The following COL28A1 variants were observed in gnomAD, a reference collection of about 807,000 sequenced individuals.
COL28A1 encodes the protein collagen alpha-1(XXVIII) chain.
Under a neutral mutation model 150.2 loss-of-function variants are expected in COL28A1, and 161 were observed. The observed-to-expected ratio is 1.07, with a 90% CI of 0.94 to 1.22. The LOEUF (loss-of-function observed/expected upper bound fraction) is 1.22. Ranked by LOEUF, COL28A1 falls within the 50% of genes most tolerant of loss-of-function variation. COL28A1 has a pLI of 0.00. For synonymous variants in COL28A1, 552 were observed against 469.7 expected, an observed-to-expected ratio of 1.18 and a Z score of -2.26; for missense variants, 1,617 against 1,388.3, an observed-to-expected ratio of 1.16 and a Z score of -2.62.
At chr7:7,542,404 A>T in the COL28A1 span, among the ~76,000 whole-genome samples, 7 of 152,352 alleles carry the variant, frequency 4.6e-5, no homozygotes, top group South Asian at 1.5e-3. Context: ...AATAGAGCAA[A>T]TATGTTCATT....
intron 27 of COL28A1, among the ~76,000 whole-genome samples, chr7:7,395,583 C>A (rs1397530952): frequency 1.3e-5 from 2 of 152,170 alleles, no homozygotes; most frequent in African/African-American, 2.4e-5. Flanking sequence ...TTACACATTA[C>A]AAACAAATGA....
chr7:7,474,450 A>G, intron 15 of COL28A1, 151 bp downstream of exon 15: 2 of 419,940 alleles, frequency 4.8e-6, no homozygotes, highest in Non-Finnish European at 8.3e-6. Flanking sequence ...AAATAAAATA[A>G]TTATTTTAAA....
chr7:7,466,467 A>T (rs1319884750), intron 15 of COL28A1, among the ~76,000 whole-genome samples: 1 of 107,528 alleles, frequency 9.3e-6, no homozygotes, highest in East Asian at 2.6e-4. Flanking sequence ...GAAAAGACCA[A>T]ATCTACGTCT....
At chr7:7,360,783 C>A (rs1213646976) in intron 33 of COL28A1, among the ~76,000 whole-genome samples, 1 of 152,158 alleles carries the variant, frequency 6.6e-6, no homozygotes, top group African/African-American at 2.4e-5. Context: ...CACACATACA[C>A]ACACACACGC....
intron 14 of COL28A1, among the ~76,000 whole-genome samples, chr7:7,476,824 T>C (rs111798314): frequency 8.5e-4 from 130 of 152,350 alleles, no homozygotes; most frequent in African/African-American, 3.0e-3. Context: ...CATAAGGATG[T>C]TATTTATCAC....
rs370084753 is a variant in COL28A1, at chr7:7,531,873, G to C, written c.156C>G (p.Ile52Met). 1 of 1,607,086 alleles carries C rather than the reference G, an allele frequency of 6.2e-7. No individual in the cohort carries two copies. Among genetic ancestry groups the C allele is most frequent in the Admixed American group, 1.7e-5 (1 of 59,948 alleles). ...GSICFIDIVF[I>M]VDSSESSKIA... ...TTTTAGAACTTTCAGAGCTGTCCAC[G>C]ATGAAGACAATATCTATGAAACAAA... is the stretch of plus-strand genomic sequence containing the variant. The change falls in exon 3 of 35, where the codon ATC becomes ATG. Residue 52 changes from isoleucine to methionine, a missense_variant. Coordinates refer to ENST00000399429, the MANE Select transcript of COL28A1 (RefSeq NM_001037763.3).
the COL28A1 span, among the ~76,000 whole-genome samples, chr7:7,345,031 G>C: frequency 6.6e-6 from 1 of 151,408 alleles, no homozygotes; most frequent in Non-Finnish European, 1.5e-5. Context: ...CACCCCTTTC[G>C]CCTGAAGAGG....
chr7:7,341,246 A>T, the COL28A1 span, among the ~76,000 whole-genome samples: 1 of 152,170 alleles, frequency 6.6e-6, no homozygotes, highest in East Asian at 1.9e-4. Context: ...ATCACCAGAG[A>T]TGTGTCAATT....
intron 21 of COL28A1, among the ~76,000 whole-genome samples, chr7:7,437,755 C>T (rs966073488): frequency 6.6e-6 from 1 of 152,110 alleles, no homozygotes; most frequent in South Asian, 2.1e-4. Flanking sequence ...ATTCATGGTG[C>T]TTCCTTTTTG....
intron 27 of COL28A1, among the ~76,000 whole-genome samples, chr7:7,407,649 A>T (rs1482198182): frequency 6.6e-6 from 1 of 152,118 alleles, no homozygotes; most frequent in African/African-American, 2.4e-5. Context: ...AAATGGAAAA[A>T]AATTGCTCTA....
At chr7:7,433,312 G>A (rs1785112835) in intron 23 of COL28A1, among the ~76,000 whole-genome samples, 1 of 151,890 alleles carries the variant, frequency 6.6e-6, no homozygotes. Flanking sequence ...CGGGGGGAGA[G>A]AAAAAAATTA....
At chr7:7,488,316 C>T (rs569412093) in intron 13 of COL28A1, among the ~76,000 whole-genome samples, 2 of 152,274 alleles carry the variant, frequency 1.3e-5, no homozygotes, top group East Asian at 3.9e-4. Context: ...TATGTTCAGA[C>T]ATTAGTGAAA....
intron 23 of COL28A1, among the ~76,000 whole-genome samples, chr7:7,433,630 T>C (rs1296899561): frequency 1.4e-5 from 2 of 138,204 alleles, no homozygotes. Flanking sequence ...CAAGGCTCTG[T>C]CTCATTTAAA....
chr7:7,495,867 T>C (rs1029420358), intron 11 of COL28A1, among the ~76,000 whole-genome samples: 3 of 152,192 alleles, frequency 2.0e-5, no homozygotes, highest in Non-Finnish European at 4.4e-5. Flanking sequence ...TAAAACCTTC[T>C]GAGGCCTTTC....
chr7:7,343,524 T>G, the COL28A1 span, among the ~76,000 whole-genome samples: 17 of 152,214 alleles, frequency 1.1e-4, no homozygotes, highest in East Asian at 2.9e-3. Context: ...ATCAATTTCA[T>G]GGGGTATAAT....
chr7:7,448,466 A>G (rs935192899), intron 18 of COL28A1, among the ~76,000 whole-genome samples: 17 of 150,352 alleles, frequency 1.1e-4, no homozygotes, highest in African/African-American at 4.0e-4. Flanking sequence ...AATAATAAGC[A>G]AAGATTTTTT....
At chr7:7,414,719 T>C (rs978400465) in intron 27 of COL28A1, among the ~76,000 whole-genome samples, 3 of 152,194 alleles carry the variant, frequency 2.0e-5, no homozygotes, top group Non-Finnish European at 4.4e-5. Context: ...GTCATGTCCA[T>C]TCATTCTACA....
chr7:7,405,932 T>C (rs1232970708), intron 27 of COL28A1, among the ~76,000 whole-genome samples: 1 of 152,080 alleles, frequency 6.6e-6, no homozygotes, highest in Non-Finnish European at 1.5e-5. Context: ...ATATACCCTA[T>C]CATGGGGCAA....
intron 21 of COL28A1, among the ~76,000 whole-genome samples, chr7:7,439,591 C>A (rs957866651): frequency 3.3e-5 from 5 of 152,112 alleles, no homozygotes; most frequent in African/African-American, 1.2e-4. Flanking sequence ...TATGGCAATT[C>A]TTCACCTTCA....
Sources: allele counts gnomAD v4.1 joint callset (sites outside exome capture counted in the v4.1 genomes callset), GRCh38; gene constraint gnomAD v4.1.1; transcripts MANE v1.5; gene names NCBI Gene and HGNC (gene_info 2026-07-23, HGNC 2026-07-21).